Variants in RAD52 observed in about 807,000 individuals in gnomAD.
RAD52 encodes the protein RAD52 DNA repair protein, also known as DNA repair protein RAD52 homolog.
RAD52 carries 47 observed loss-of-function variants against 55.5 expected under a neutral mutation model. That is an observed-to-expected ratio of 0.85 (90% CI 0.67 to 1.08). The LOEUF (loss-of-function observed/expected upper bound fraction) is 1.08, where lower values mean the gene tolerates loss of function less well. Ranked by LOEUF, RAD52 falls within the 50% of genes least tolerant of loss-of-function variation. The pLI is 0.00. For synonymous variants in RAD52, 184 were observed against 198.9 expected (o/e 0.92, Z 0.63); for missense variants, 468 against 522.8 (o/e 0.90, Z 1.02).
chr12:915,725 G>C (rs79575548), intron 9 of RAD52, among the ~76,000 whole-genome samples: 5 of 56,856 alleles, frequency 8.8e-5, no homozygotes, highest in Non-Finnish European at 2.1e-4. Flanking sequence ...TTTTTGTTTT[G>C]TTTTTGTTTT....
chr12:958,071 C>G (rs1015955089), intron 1 of RAD52, among the ~76,000 whole-genome samples: 5 of 152,288 alleles, frequency 3.3e-5, no homozygotes, highest in Admixed American at 2.6e-4. Flanking sequence ...TGCTCCCAGC[C>G]CAGAGGTAAG....
Position 911,871 on chromosome 12 carries a change from A to AAATTATT in RAD52, c.*1519_*1520insAATAATT, listed in dbSNP as rs11571490. On this transcript the variant is annotated 3_prime_UTR_variant, in exon 12 of 12. Transcript: ENST00000358495. Reference sequence around the variant, plus strand: ...CCCGTCTCCTCTACTAAAAATACAAAAATTAGTCGGGCGTCGTGGTGGGTG... The same window carrying AAATTATT: ...CCCGTCTCCTCTACTAAAAATACAAAAATTATTAATTAGTCGGGCGTCGTGGTGGGTG... Among the ~76,000 whole-genome samples the AAATTATT allele has an allele frequency of 6.6e-6, 1 of 151,446 alleles. No individual in the cohort carries two copies. Among genetic ancestry groups the AAATTATT allele is most frequent in the African/African-American group, 2.4e-5 (1 of 41,172 alleles).
intron 7 of RAD52, among the ~76,000 whole-genome samples, chr12:925,229 C>A (rs372978479): frequency 6.6e-6 from 1 of 152,122 alleles, no homozygotes; most frequent in African/African-American, 2.4e-5. Flanking sequence ...GGATTCCAGG[C>A]GTGAGCCACG....
intron 1 of RAD52, among the ~76,000 whole-genome samples, chr12:946,322 A>C (rs1958227856): frequency 6.6e-6 from 1 of 152,176 alleles, no homozygotes; most frequent in Non-Finnish European, 1.5e-5. Context: ...TTGAAGCACT[A>C]CTGAGACAGT....
chr12:931,138 T>C lies in RAD52; in HGVS notation c.186+82A>G, dbSNP rs1175319143. The C allele has an allele frequency of 5.2e-6, 6 of 1,157,412 alleles. No individual in the cohort carries two copies. In the Admixed American group the frequency reaches 5.5e-5, roughly 11 times the overall value. The allele number at this position is 1,157,412 out of a possible 1,614,324, so 71.7% of individuals were successfully genotyped here. ...AGTTAACAGCAGACTTCCGAATCCC[T>C]GAGGACCCAGAGAGGGAACTGGCAA... On this transcript the variant is annotated intron_variant, in intron 3 of 11. Transcript: ENST00000358495.
upstream of RAD52, among the ~76,000 whole-genome samples, chr12:952,440 T>C (rs1958541264): frequency 6.6e-6 from 1 of 152,120 alleles, no homozygotes; most frequent in Admixed American, 6.5e-5. Flanking sequence ...CTATTCTTTG[T>C]TGTGGGTTGA....
intron 1 of RAD52, among the ~76,000 whole-genome samples, chr12:984,862 T>G (rs368776188): frequency 1.5e-4 from 23 of 152,128 alleles, no homozygotes; most frequent in African/African-American, 4.8e-4. Flanking sequence ...AGATGGAGTT[T>G]CACCGTGTTA....
At chr12:951,675 A>G (rs1958530645), upstream of RAD52, among the ~76,000 whole-genome samples, 1 of 152,104 alleles carries the variant, frequency 6.6e-6, no homozygotes, top group Non-Finnish European at 1.5e-5. Context: ...AATTACTACA[A>G]TTGTTTTTCC....
At chr12:960,399 G>A (rs1321624521) in intron 1 of RAD52, among the ~76,000 whole-genome samples, 1 of 152,180 alleles carries the variant, frequency 6.6e-6, no homozygotes, top group Non-Finnish European at 1.5e-5. Flanking sequence ...TTGAGTAACC[G>A]AGTAAATGTT....
At chr12:926,830 G>A (rs1018756401) in intron 6 of RAD52, 1 of 1,536,906 alleles carries the variant, frequency 6.5e-7, no homozygotes, top group East Asian at 2.4e-5. Flanking sequence ...GGAGCACGGA[G>A]AGGAGGGTGC....
chr12:985,950 T>C (rs1186157347), intron 1 of RAD52, among the ~76,000 whole-genome samples: 2 of 141,568 alleles, frequency 1.4e-5, no homozygotes, highest in Non-Finnish European at 3.0e-5. Context: ...TTTTTTTTTT[T>C]TGAGACAGAG....
At chr12:979,863 C>T (rs572073752) in intron 1 of RAD52, among the ~76,000 whole-genome samples, 3 of 152,112 alleles carry the variant, frequency 2.0e-5, no homozygotes, top group Admixed American at 6.5e-5. Context: ...CTGGCTAACA[C>T]GGTGAAACCC....
chr12:932,604 C>T (rs1957378586), intron 2 of RAD52, among the ~76,000 whole-genome samples: 1 of 151,134 alleles, frequency 6.6e-6, no homozygotes, highest in African/African-American at 2.4e-5. Context: ...TGTTATCTAT[C>T]CCCCCCCACA....
chr12:952,179 G>T (rs540876549), upstream of RAD52, among the ~76,000 whole-genome samples: 3 of 152,190 alleles, frequency 2.0e-5, no homozygotes, highest in Non-Finnish European at 4.4e-5. Context: ...GCTCAGGCTG[G>T]TCTTGAACTC....
chr12:951,013 AAGTGCTGGGATTAC>A (rs1289149825), upstream of RAD52, among the ~76,000 whole-genome samples: 1 of 152,110 alleles, frequency 6.6e-6, no homozygotes, highest in African/African-American at 2.4e-5. Flanking sequence ...CAGCCTCCCA[AAGTGCTGGGATTAC>A]AGGTGTGAGC....
intron 10 of RAD52, 149 bp downstream of exon 10, chr12:914,282 G>T: frequency 7.6e-7 from 1 of 1,307,324 alleles, no homozygotes; most frequent in Non-Finnish European, 1.0e-6. Context: ...CCTTTGGTTA[G>T]GACCAAAGAG....
chr12:951,757 T>C (rs188930820), upstream of RAD52, among the ~76,000 whole-genome samples: 25 of 150,472 alleles, frequency 1.7e-4, no homozygotes, highest in Admixed American at 1.5e-3. Flanking sequence ...AGGTTTACTT[T>C]ACTTTTCTTT....
chr12:915,052 G>C (rs1370613744), intron 9 of RAD52, among the ~76,000 whole-genome samples: 3 of 152,216 alleles, frequency 2.0e-5, no homozygotes, highest in Admixed American at 2.0e-4. Flanking sequence ...AGGATCACTT[G>C]AGCTCAGGAA....
chr12:975,050 G>A (rs1311624269), intron 1 of RAD52: 1 of 152,112 alleles, frequency 6.6e-6, no homozygotes, highest in Non-Finnish European at 1.5e-5. Flanking sequence ...TCTTATTATA[G>A]TATATTGTTA....
Sources: allele counts gnomAD v4.1 joint callset (sites outside exome capture counted in the v4.1 genomes callset), GRCh38; gene constraint gnomAD v4.1.1; transcripts MANE v1.5; gene names NCBI Gene and HGNC (gene_info 2026-07-23, HGNC 2026-07-21).